RABGEF1: variants seen among roughly 807,000 people sequenced by gnomAD.
RABGEF1 encodes RAB guanine nucleotide exchange factor 1.
RABGEF1 carries 26 observed loss-of-function variants against 57.3 expected under a neutral mutation model. The ratio of observed to expected loss-of-function variants is 0.45; its 90% CI spans 0.33 to 0.63. The LOEUF (loss-of-function observed/expected upper bound fraction) is 0.63, where lower values mean the gene tolerates loss of function less well. RABGEF1 is among the 20% of genes least tolerant of loss of function. RABGEF1 has a pLI of 0.02. For missense variants in RABGEF1, 464 were observed against 607.6 expected (o/e 0.76, Z 2.48); for synonymous variants, 185 against 210.7 (o/e 0.88, Z 1.06).
At chr7:66,663,765 AT>A in the RABGEF1 span, among the ~76,000 whole-genome samples, 3 of 151,838 alleles carry the variant, frequency 2.0e-5, no homozygotes, top group African/African-American at 7.3e-5. Context: ...AAATAAAAAA[AT>A]AAAAATAAAT....
intron 4 of RABGEF1, among the ~76,000 whole-genome samples, chr7:66,789,860 T>C (rs1405116115): frequency 1.3e-5 from 2 of 152,024 alleles, no homozygotes; most frequent in Admixed American, 1.3e-4. Flanking sequence ...TCTCCTGGTG[T>C]TGGCATTGTC....
At chr7:66,660,560 G>A in the RABGEF1 span, among the ~76,000 whole-genome samples, 2 of 152,028 alleles carry the variant, frequency 1.3e-5, no homozygotes, top group East Asian at 1.9e-4. Context: ...GGTGGCTCCC[G>A]CCTGTAATCC....
intron 2 of RABGEF1, among the ~76,000 whole-genome samples, chr7:66,774,455 AC>A (rs1394168017): frequency 6.6e-6 from 1 of 152,084 alleles, no homozygotes; most frequent in Non-Finnish European, 1.5e-5. Flanking sequence ...AAGATTCCCT[AC>A]CCTCTGGAGC....
chr7:66,655,322 C>T, the RABGEF1 span, among the ~76,000 whole-genome samples: 6 of 152,072 alleles, frequency 3.9e-5, no homozygotes, highest in Non-Finnish European at 5.9e-5. Context: ...GGGACTCTGC[C>T]GCTTTGGAGG....
upstream of RABGEF1, among the ~76,000 whole-genome samples, chr7:66,737,051 G>GGAGGGAGA (rs1182515694): frequency 2.1e-3 from 264 of 124,998 alleles, no homozygotes; most frequent in African/African-American, 6.6e-3. Context: ...ATATGAGGGG[G>GGAGGGAGA]GAGAGAGAGA....
intron 2 of RABGEF1, among the ~76,000 whole-genome samples, chr7:66,718,471 C>G (rs1203709983): frequency 6.6e-6 from 1 of 151,958 alleles, no homozygotes. Context: ...TTTAGATTTC[C>G]CTAGTTCTTT....
chr7:66,705,477 GAGAGAGA>G (rs1385749805), intron 1 of RABGEF1, among the ~76,000 whole-genome samples: 1 of 146,372 alleles, frequency 6.8e-6, no homozygotes, highest in Non-Finnish European at 1.5e-5. Flanking sequence ...GAGAGAGAGA[GAGAGAGA>G]GAGGAGGGGG....
intron 1 of RABGEF1, among the ~76,000 whole-genome samples, chr7:66,688,336 A>C (rs988985640): frequency 7.9e-5 from 12 of 152,190 alleles, no homozygotes; most frequent in Non-Finnish European, 1.5e-5. Flanking sequence ...TGGTGACCTC[A>C]CTACCTCAAC....
At chr7:66,749,858 C>T (rs1380027821) in intron 1 of RABGEF1, among the ~76,000 whole-genome samples, 2 of 152,200 alleles carry the variant, frequency 1.3e-5, no homozygotes, top group East Asian at 3.9e-4. Flanking sequence ...CCTGTAGTCC[C>T]AGCTACTCGG....
At chr7:66,804,439 A>G (rs1419979698) in intron 7 of RABGEF1, among the ~76,000 whole-genome samples, 1 of 152,172 alleles carries the variant, frequency 6.6e-6, no homozygotes, top group African/African-American at 2.4e-5. Flanking sequence ...CATTGTGATT[A>G]GAAGTGTGGG....
intron 8 of RABGEF1, 137 bp downstream of exon 8, chr7:66,805,533 C>A (rs966134792): frequency 3.3e-5 from 43 of 1,285,636 alleles, no homozygotes; most frequent in Non-Finnish European, 4.2e-5. Flanking sequence ...GCTCACTTTG[C>A]ATCAGGGAGC....
the RABGEF1 span, among the ~76,000 whole-genome samples, chr7:66,655,972 T>C: frequency 6.6e-6 from 1 of 152,176 alleles, no homozygotes; most frequent in South Asian, 2.1e-4. Flanking sequence ...GAGTCGGGCA[T>C]TTAGGCCGTG....
chr7:66,799,080 C>T (rs186316023), intron 6 of RABGEF1, among the ~76,000 whole-genome samples: 1 of 152,182 alleles, frequency 6.6e-6, no homozygotes, highest in African/African-American at 2.4e-5. Context: ...GGTAGCACTG[C>T]GTAATGTCAT....
At chr7:66,772,536 C>T (rs1191666750) in intron 2 of RABGEF1, among the ~76,000 whole-genome samples, 1 of 152,154 alleles carries the variant, frequency 6.6e-6, no homozygotes. Flanking sequence ...TATACATAGT[C>T]ATTGCATTGT....
rs73379720 is a variant in RABGEF1 at position 66,800,622 on chromosome 7, G to C, written c.820+1208G>C. Among the ~76,000 whole-genome samples, 464 of 152,314 alleles carry C rather than the reference G, an allele frequency of 3.0e-3. 2 individuals carry two copies. The highest frequency in any genetic ancestry group is 0.011 in the African/African-American group (446 of 41,564). ...CGGGGAACCCCATAAGAGGTTGAAG[G>C]TGGAGGCCTTCTAAAAGCCTGAATA... is the stretch of plus-strand genomic sequence containing the variant. On this transcript the variant is annotated intron_variant, in intron 7 of 8. Coordinates refer to ENST00000284957, the MANE Select transcript of RABGEF1 (RefSeq NM_014504.3).
chr7:66,664,640 G>T, the RABGEF1 span, among the ~76,000 whole-genome samples: 101 of 152,252 alleles, frequency 6.6e-4, no homozygotes, highest in African/African-American at 2.4e-3. Flanking sequence ...GCTCCCTACA[G>T]ATGGCAACTG....
At chr7:66,714,549 G>A (rs1795139017) in intron 2 of RABGEF1, among the ~76,000 whole-genome samples, 1 of 151,970 alleles carries the variant, frequency 6.6e-6, no homozygotes, top group African/African-American at 2.4e-5. Context: ...TTTCTCTATT[G>A]TTTTCAGTTT....
intron 4 of RABGEF1, among the ~76,000 whole-genome samples, chr7:66,791,159 G>A (rs150613109): frequency 4.6e-5 from 7 of 152,288 alleles, no homozygotes; most frequent in Admixed American, 1.3e-4. Context: ...TAAAAATGAC[G>A]GATTTCTGGC....
At chr7:66,768,829 A>G (rs1806385267) in intron 1 of RABGEF1, 1 of 152,114 alleles carries the variant, frequency 6.6e-6, no homozygotes, top group Non-Finnish European at 1.5e-5. Context: ...TCTTTTGTCC[A>G]GAAAACTGTG....
Sources: gnomAD v4.1 joint callset for allele counts (sites outside exome capture counted in the v4.1 genomes callset) on GRCh38, gnomAD v4.1.1 for gene constraint, MANE v1.5 for transcripts, NCBI Gene and HGNC (gene_info 2026-07-23, HGNC 2026-07-21) for gene names.